ZNF684: variants seen among roughly 807,000 people sequenced by gnomAD.
ZNF684 encodes hypothetical protein MGC27466.
In ZNF684, 13 loss-of-function variants were observed where a neutral mutation model predicts 12.8. The ratio of observed to expected loss-of-function variants is 1.02; its 90% CI spans 0.66 to 1.62. ZNF684 has a LOEUF of 1.62. Among genes scored for constraint, ZNF684 ranks in the 40% most tolerant of loss-of-function variants. The probability of loss-of-function intolerance (pLI) is 0.00; values close to 1 mark genes in which losing one functional copy is unlikely to be tolerated. For synonymous variants in ZNF684, 118 were observed against 151.8 expected, an observed-to-expected ratio of 0.78 and a Z score of 1.64; for missense variants, 384 against 446.9, an observed-to-expected ratio of 0.86 and a Z score of 1.27.
rs143540565 is a variant in ZNF684, at chr1:40,546,785, T to C, written c.462T>C (p.Thr154=). The change falls in exon 5 of 5, where the codon ACT becomes ACC. Residue 154 remains threonine (T), a synonymous_variant. Coordinates refer to ENST00000372699, the MANE Select transcript of ZNF684 (RefSeq NM_152373.4). ...TACTTAAATATAATAGAAGTTATAC[T>C]GTAGAAAACGCTTATGAATGCAGTG... ...LDLLKYNRSY[T]VENAYECSEC... is the part of the protein sequence containing the mutation. The C allele has an allele frequency of 6.6e-5, 106 of 1,611,280 alleles. No individual in the cohort carries two copies. The highest frequency in any genetic ancestry group is 8.3e-5 in the Non-Finnish European group (98 of 1,179,358).
intron 2 of ZNF684, among the ~76,000 whole-genome samples, chr1:40,535,284 G>A (rs145869834): frequency 5.3e-5 from 8 of 152,304 alleles, no homozygotes; most frequent in Admixed American, 4.6e-4. Context: ...ACATAATGAA[G>A]TCCCACAGTA....
intron 2 of ZNF684, among the ~76,000 whole-genome samples, chr1:40,536,175 C>T (rs1645983003): frequency 6.6e-6 from 1 of 152,006 alleles, no homozygotes; most frequent in African/African-American, 2.4e-5. Flanking sequence ...GGGCAGATCA[C>T]GAGGTCAGGA....
At chr1:40,539,725 ATC>A (rs1301739729) in intron 2 of ZNF684, among the ~76,000 whole-genome samples, 1 of 151,594 alleles carries the variant, frequency 6.6e-6, no homozygotes, top group African/African-American at 2.4e-5. Context: ...GATTTTGAGA[ATC>A]TTTTTTCTTT....
intron 4 of ZNF684, 79 bp from the exon 5 acceptor site, chr1:40,546,483 T>C: frequency 7.4e-7 from 1 of 1,359,916 alleles, no homozygotes; most frequent in East Asian, 2.4e-5. Flanking sequence ...GATACTGTAT[T>C]TGAAATTATA....
chr1:40,536,703 C>G (rs1645987703), intron 2 of ZNF684, among the ~76,000 whole-genome samples: 1 of 141,576 alleles, frequency 7.1e-6, no homozygotes, highest in African/African-American at 2.6e-5. Flanking sequence ...GTGATGTTCC[C>G]CTTCCTGTGT....
In ZNF684 at chr1:40,547,576, C is replaced by A; in HGVS notation, c.*116C>A. ...AAATGAATTTGGAAGAGTAGATTCC[C>A]ATAAAAAACAACCAATGCCAATCAT... On this transcript the variant is annotated 3_prime_UTR_variant, in exon 5 of 5. Transcript: ENST00000372699. 2 of 987,636 alleles carry A rather than the reference C, an allele frequency of 2.0e-6. No individual in the cohort carries two copies. Among genetic ancestry groups the A allele is most frequent in the South Asian group, 2.2e-5 (1 of 46,334 alleles). 61.2% of individuals were successfully genotyped at this position (987,636 alleles called of 1,614,324 possible).
In ZNF684 at chr1:40,546,826, T is replaced by C; in HGVS notation, c.503T>C (p.Phe168Ser). 1 of 1,611,870 alleles carries C rather than the reference T, an allele frequency of 6.2e-7. No individual in the cohort carries two copies. Among genetic ancestry groups the C allele is most frequent in the Non-Finnish European group, 8.5e-7 (1 of 1,179,516 alleles). ...AYECSECGKAFKKKFHFIRHE... is the reference protein window; with the variant it reads ...AYECSECGKASKKKFHFIRHE... ...GAATGCAGTGAATGCGGGAAAGCCTTCAAAAAGAAGTTTCATTTCATTAGA... is the reference window on the plus strand; with the variant it reads ...GAATGCAGTGAATGCGGGAAAGCCTCCAAAAAGAAGTTTCATTTCATTAGA... The change falls in exon 5 of 5, where the codon TTC becomes TCC. Residue 168 changes from phenylalanine to serine, a missense_variant. Coordinates refer to ENST00000372699, the MANE Select transcript of ZNF684 (RefSeq NM_152373.4).
At chr1:40,537,331 G>A (rs564251386) in intron 2 of ZNF684, among the ~76,000 whole-genome samples, 1 of 152,316 alleles carries the variant, frequency 6.6e-6, no homozygotes, top group Non-Finnish European at 1.5e-5. Context: ...CCAGTATAGG[G>A]TTGGTAGAGC....
chr1:40,539,856 A>G (rs1229604996), intron 2 of ZNF684, among the ~76,000 whole-genome samples: 1 of 151,874 alleles, frequency 6.6e-6, no homozygotes, highest in East Asian at 1.9e-4. Flanking sequence ...ATCTATGTCT[A>G]TATCTATATA....
At position 40,547,456 on chromosome 1, in the gene ZNF684, C is replaced by T. The variant is rs1646055864; in HGVS notation, c.1133C>T (p.Thr378Ile). The T allele has an allele frequency of 2.5e-6, 4 of 1,595,278 alleles. No individual in the cohort carries two copies. The East Asian group carries it at 6.7e-5, about 27-fold the overall frequency. ...SNLIVHQKIH[T>I] ...CTTATTGTACATCAGAAAATTCATA[C>T]ATAATATTCACTTTATGAATATGAG... Residue 378 changes from threonine (T) to isoleucine (I), a missense_variant, in exon 5 of 5, where the codon ACA becomes ATA. By Grantham distance (89) the Thr-to-Ile change is moderately conservative. Coordinates refer to ENST00000372699, the MANE Select transcript of ZNF684 (RefSeq NM_152373.4).
Position 40,547,773 on chromosome 1 carries a change from G to T in ZNF684, c.*313G>T. ...TATAATAAAATAATTATGCAAGTGT[G>T]AGTTTAAAATATATGCTTATACATT... On this transcript the variant is annotated 3_prime_UTR_variant, in exon 5 of 5. Transcript: ENST00000372699. The T allele has an allele frequency of 5.1e-6, 1 of 194,476 alleles. No individual in the cohort carries two copies. Among genetic ancestry groups the T allele is most frequent in the South Asian group, 1.2e-4 (1 of 8,450 alleles). The allele number at this position is 194,476 out of a possible 1,614,324, so 12.0% of individuals were successfully genotyped here.
In ZNF684 at chr1:40,546,622, T is replaced by G; in HGVS notation, c.299T>G (p.Leu100Trp). 1 of 1,588,468 alleles carries G rather than the reference T, an allele frequency of 6.3e-7. No homozygotes were observed. Among genetic ancestry groups the G allele is most frequent in the Non-Finnish European group, 8.5e-7 (1 of 1,169,848 alleles). The part of the protein sequence containing the change: ...GKHRESKDNF[L>W]KSVLLTFNKI... Reference sequence around the variant, plus strand: ...CATCGGGAAAGCAAAGACAATTTTTTGAAGTCAGTTTTGCTCACATTCAAT... The same window carrying G: ...CATCGGGAAAGCAAAGACAATTTTTGGAAGTCAGTTTTGCTCACATTCAAT... Residue 100 changes from leucine to tryptophan, a missense_variant, in exon 5 of 5, where the codon TTG (leucine) becomes TGG (tryptophan). By Grantham distance (61) the Leu-to-Trp change is moderately conservative. Coordinates refer to ENST00000372699, the MANE Select transcript of ZNF684 (RefSeq NM_152373.4).
At chr1:40,540,191 C>CA (rs2124509550) in intron 2 of ZNF684, among the ~76,000 whole-genome samples, 1 of 152,070 alleles carries the variant, frequency 6.6e-6, no homozygotes, top group East Asian at 1.9e-4. Context: ...TCCAAGGTCA[C>CA]AAAAAACTTT....
intron 2 of ZNF684, 56 bp downstream of exon 2, chr1:40,533,237 A>C (rs1466861291): frequency 1.9e-6 from 3 of 1,557,012 alleles, no homozygotes; most frequent in East Asian, 4.5e-5. Context: ...TCCATATGAT[A>C]AAAAGGAAAT....
In ZNF684 at chr1:40,547,346, TCTC is replaced by T. The variant is rs752152886; in HGVS notation, c.1027_1029del (p.Leu343del). On this transcript the variant is annotated inframe_deletion, in exon 5 of 5. Coordinates refer to ENST00000372699, the MANE Select transcript of ZNF684 (RefSeq NM_152373.4). ...GCAAAGCCTTCATCAAGAAGTCCCATCTCCTCAGACATCAGATAACTCATACAG... is the reference window on the plus strand; with the variant it reads ...GCAAAGCCTTCATCAAGAAGTCCCATCTCAGACATCAGATAACTCATACAG... The T allele has an allele frequency of 1.1e-5, 18 of 1,613,930 alleles. No homozygotes were observed. The East Asian group carries it at 4.0e-4, about 36-fold the overall frequency.
intron 2 of ZNF684, among the ~76,000 whole-genome samples, chr1:40,539,569 G>A (rs1276377610): frequency 1.3e-5 from 2 of 152,150 alleles, no homozygotes; most frequent in Non-Finnish European, 2.9e-5. Flanking sequence ...GTGTACAGGA[G>A]TTGAGTAACG....
Position 40,543,444 on chromosome 1 carries a change from C to T in ZNF684, c.238+1734C>T, listed in dbSNP as rs1456253377. On this transcript the variant is annotated intron_variant, in intron 4 of 4. Coordinates refer to ENST00000372699, the MANE Select transcript of ZNF684 (RefSeq NM_152373.4). Reference sequence around the variant, plus strand: ...TGGAAATTGGCCTTTTTAATGTCCACTATATACAGTTTTCTTTTTTTTTTT... The same window carrying T: ...TGGAAATTGGCCTTTTTAATGTCCATTATATACAGTTTTCTTTTTTTTTTT... Among the ~76,000 whole-genome samples, 10 of 148,212 alleles carry T rather than the reference C, an allele frequency of 6.7e-5. 1 individual carries two copies. In the South Asian group the frequency reaches 1.7e-3, roughly 25 times the overall value.
At chr1:40,532,044 G>C (rs1227702084) in intron 1 of ZNF684, among the ~76,000 whole-genome samples, 2 of 152,104 alleles carry the variant, frequency 1.3e-5, no homozygotes, top group Admixed American at 6.6e-5. Flanking sequence ...CACTATGTAG[G>C]AGTCTGTTCA....
intron 2 of ZNF684, among the ~76,000 whole-genome samples, chr1:40,534,630 T>C (rs1645974815): frequency 6.6e-6 from 1 of 152,194 alleles, no homozygotes; most frequent in Non-Finnish European, 1.5e-5. Flanking sequence ...TTTTAGTTGC[T>C]ATTGAGAATG....
Sources: allele counts gnomAD v4.1 joint callset (sites outside exome capture counted in the v4.1 genomes callset), GRCh38; gene constraint gnomAD v4.1.1; transcripts MANE v1.5; gene names NCBI Gene and HGNC (gene_info 2026-07-23, HGNC 2026-07-21).